ASTN2: variants seen among roughly 807,000 people sequenced by gnomAD.
The protein encoded by ASTN2 is astrotactin-2.
ASTN2 carries 54 observed loss-of-function variants against 139.8 expected under a neutral mutation model. The ratio of observed to expected loss-of-function variants is 0.39; its 90% CI spans 0.31 to 0.48. ASTN2 has a LOEUF of 0.48. ASTN2 is among the 20% of genes least tolerant of loss of function. ASTN2 has a pLI of 0.95. For synonymous variants in ASTN2, 756 were observed against 719.5 expected, an observed-to-expected ratio of 1.05 and a Z score of -0.81; for missense variants, 1,565 against 1,725.1, an observed-to-expected ratio of 0.91 and a Z score of 1.64.
chr9:116,865,121 G>A (rs910246419), intron 10 of ASTN2, among the ~76,000 whole-genome samples: 57 of 152,038 alleles, frequency 3.7e-4, no homozygotes, highest in African/African-American at 1.3e-3. Context: ...GTTCTAAACT[G>A]GAAAGTTACA....
At chr9:117,146,573 A>G (rs1227453845) in intron 3 of ASTN2, among the ~76,000 whole-genome samples, 2 of 152,060 alleles carry the variant, frequency 1.3e-5, no homozygotes, top group Admixed American at 1.3e-4. Flanking sequence ...GGGAAGAAGC[A>G]GAGAGGCAGA....
At chr9:116,431,450 G>A (rs1847493670) in intron 22 of ASTN2, among the ~76,000 whole-genome samples, 1 of 152,136 alleles carries the variant, frequency 6.6e-6, no homozygotes, top group African/African-American at 2.4e-5. Context: ...CATTCATGGT[G>A]TCCTCGTCGG....
intron 16 of ASTN2, among the ~76,000 whole-genome samples, chr9:116,705,706 G>C (rs1827971594): frequency 1.1e-5 from 1 of 91,688 alleles, no homozygotes; most frequent in Non-Finnish European, 2.8e-5. Flanking sequence ...TTGTGGTCTG[G>C]CTGCAGAGAT....
At chr9:116,760,127 A>G (rs752691462) in intron 13 of ASTN2, among the ~76,000 whole-genome samples, 6 of 152,142 alleles carry the variant, frequency 3.9e-5, no homozygotes, top group Non-Finnish European at 8.8e-5. Context: ...ATGTGCACAT[A>G]CTCCATGGAC....
At chr9:116,487,220 A>T (rs1416137782) in intron 20 of ASTN2, 139 bp downstream of exon 20, 2 of 1,138,876 alleles carry the variant, frequency 1.8e-6, no homozygotes, top group Non-Finnish European at 2.5e-6. Context: ...ACACTTCTAA[A>T]CCTTAGAATC....
rs117320249 is a variant in ASTN2 at position 116,485,847 on chromosome 9, G to A, written c.3497+1512C>T. Reference sequence around the variant, plus strand: ...AGCTTTTGGTGATATTCTTGAGTTTGGTGACCCAACACATTGGTTGTTACC... The same window carrying A: ...AGCTTTTGGTGATATTCTTGAGTTTAGTGACCCAACACATTGGTTGTTACC... On this transcript the variant is annotated intron_variant, in intron 20 of 22. Transcript: ENST00000313400. Among the ~76,000 whole-genome samples, 416 of 152,258 alleles carry A rather than the reference G, an allele frequency of 2.7e-3. 11 individuals carry two copies. In the East Asian group the frequency reaches 0.072, roughly 26 times the overall value.
At chr9:116,618,180 G>A (rs1312753462) in intron 19 of ASTN2, 144 bp downstream of exon 19, 1 of 843,488 alleles carries the variant, frequency 1.2e-6, no homozygotes, top group East Asian at 2.7e-5. Flanking sequence ...AGCACACAAG[G>A]ATGGACAGCG....
intron 16 of ASTN2, among the ~76,000 whole-genome samples, chr9:116,658,797 T>TA (rs1242432606): frequency 2.2e-5 from 3 of 136,518 alleles, no homozygotes; most frequent in Non-Finnish European, 4.6e-5. Flanking sequence ...AGGTGCAAAG[T>TA]AAAGAAAGAG....
chr9:116,636,381 T>C (rs1359322943), intron 17 of ASTN2, among the ~76,000 whole-genome samples: 1 of 152,194 alleles, frequency 6.6e-6, no homozygotes, highest in Non-Finnish European at 1.5e-5. Flanking sequence ...TACATTAAGA[T>C]GTACTTAGAC....
At chr9:116,633,899 T>C (rs1364429097) in intron 17 of ASTN2, among the ~76,000 whole-genome samples, 1 of 152,184 alleles carries the variant, frequency 6.6e-6, no homozygotes, top group African/African-American at 2.4e-5. Flanking sequence ...AAGTGGTAGA[T>C]TCTTATCAGC....
intron 17 of ASTN2, among the ~76,000 whole-genome samples, chr9:116,646,012 A>C (rs1857571665): frequency 6.6e-6 from 1 of 152,232 alleles, no homozygotes; most frequent in Non-Finnish European, 1.5e-5. Context: ...CTTGGACATT[A>C]TGCATTCATT....
At chr9:116,956,761 G>T (rs377650802) in intron 10 of ASTN2, among the ~76,000 whole-genome samples, 2 of 151,948 alleles carry the variant, frequency 1.3e-5, no homozygotes, top group Non-Finnish European at 2.9e-5. Context: ...TATAAAAGTC[G>T]ATTGTATTTC....
chr9:116,545,898 A>G (rs1342998957), intron 19 of ASTN2: 2 of 152,196 alleles, frequency 1.3e-5, no homozygotes, highest in Non-Finnish European at 2.9e-5. Flanking sequence ...AAAAGTGCTA[A>G]CAATGTGAGA....
intron 2 of ASTN2, among the ~76,000 whole-genome samples, chr9:117,227,885 C>T (rs10121207): frequency 0.52 from 78,433 of 152,008 alleles, 20,676 homozygotes; most frequent in East Asian, 0.68. Flanking sequence ...TCTTCAAGCA[C>T]AATCACTTTA....
At chr9:117,100,414 A>G (rs4086830) in intron 4 of ASTN2, among the ~76,000 whole-genome samples, 31,738 of 152,246 alleles carry the variant, frequency 0.21, 3,434 homozygotes, top group East Asian at 0.31. Context: ...TAAAAGGGTA[A>G]ACATAAAAGT....
At chr9:116,564,806 AT>A (rs1289602191) in intron 19 of ASTN2, among the ~76,000 whole-genome samples, 1 of 152,066 alleles carries the variant, frequency 6.6e-6, no homozygotes, top group African/African-American at 2.4e-5. Context: ...TCATTAATTA[AT>A]TTACTCAAAT....
At chr9:116,964,631 T>C (rs754672684) in intron 10 of ASTN2, among the ~76,000 whole-genome samples, 1 of 152,168 alleles carries the variant, frequency 6.6e-6, no homozygotes, top group African/African-American at 2.4e-5. Flanking sequence ...GAGTTTATAA[T>C]TGTTTAAACA....
intron 19 of ASTN2, among the ~76,000 whole-genome samples, chr9:116,556,995 G>A (rs1372362078): frequency 2.0e-5 from 3 of 151,980 alleles, no homozygotes; most frequent in African/African-American, 7.2e-5. Flanking sequence ...GGCCGAGGCA[G>A]GTGGACCACG....
chr9:117,011,113 G>A (rs1489006365), intron 6 of ASTN2, among the ~76,000 whole-genome samples: 4 of 152,166 alleles, frequency 2.6e-5, no homozygotes, highest in Non-Finnish European at 4.4e-5. Context: ...AGCTATTTTG[G>A]TTATTATTTT....
Sources: gnomAD v4.1 joint callset for allele counts (sites outside exome capture counted in the v4.1 genomes callset) on GRCh38, gnomAD v4.1.1 for gene constraint, MANE v1.5 for transcripts, NCBI Gene and HGNC (gene_info 2026-07-23, HGNC 2026-07-21) for gene names.